Variants in PTPRN2 observed in about 807,000 individuals in gnomAD.
PTPRN2 encodes protein tyrosine phosphatase receptor type N2, also known as receptor-type tyrosine-protein phosphatase N2.
PTPRN2 carries 74 observed loss-of-function variants against 118.8 expected under a neutral mutation model. That is an observed-to-expected ratio of 0.62 (90% confidence interval 0.52 to 0.76). The LOEUF (loss-of-function observed/expected upper bound fraction) is 0.76. Among genes scored for constraint, PTPRN2 ranks in the 30% least tolerant of loss-of-function variants. The pLI, the probability that PTPRN2 is intolerant of heterozygous loss-of-function variation, is 0.00. For synonymous variants in PTPRN2, 641 were observed against 608.0 expected, an observed-to-expected ratio of 1.05 and a Z score of -0.80; for missense variants, 1,481 against 1,394.4, an observed-to-expected ratio of 1.06 and a Z score of -0.99.
chr7:158,232,115 CA>C (rs1230365424), intron 3 of PTPRN2, among the ~76,000 whole-genome samples: 1 of 151,884 alleles, frequency 6.6e-6, no homozygotes, highest in Non-Finnish European at 1.5e-5. Context: ...TAATACAAAT[CA>C]GAGCAGAAAT....
chr7:157,792,709 G>C (rs1264416871), intron 12 of PTPRN2, among the ~76,000 whole-genome samples: 1 of 152,172 alleles, frequency 6.6e-6, no homozygotes, highest in Non-Finnish European at 1.5e-5. Flanking sequence ...GGCTGGGGCC[G>C]GGGGTCTCTG....
intron 12 of PTPRN2, among the ~76,000 whole-genome samples, chr7:157,748,074 T>A (rs1801125696): frequency 7.2e-6 from 1 of 139,316 alleles, no homozygotes; most frequent in African/African-American, 2.7e-5. Flanking sequence ...CCTGCGTCTC[T>A]CAGCTGTGGG....
At chr7:157,793,527 C>T (rs557485840) in intron 12 of PTPRN2, among the ~76,000 whole-genome samples, 4 of 139,538 alleles carry the variant, frequency 2.9e-5, no homozygotes, top group East Asian at 5.0e-4. Flanking sequence ...GGGGCAAGGG[C>T]GGGGCGTGGT....
chr7:157,605,590 G>A lies in PTPRN2; in HGVS notation c.2345-1515C>T, dbSNP rs181510085. ...AGAATGAGGTATGGAGACAAGTGGA[G>A]GATGAGCAAGATGAAGAGGGGTTTA... On this transcript the variant is annotated intron_variant, in intron 15 of 22. Transcript: ENST00000389418. 1.1e-3 allele frequency among the ~76,000 whole-genome samples: 175 copies of A among 152,352 alleles called. 1 individual carries two copies. The highest frequency in any genetic ancestry group is 4.2e-3 in the African/African-American group (173 of 41,594).
At chr7:157,574,409 CACTG>C in intron 19 of PTPRN2, 1 of 533,544 alleles carries the variant, frequency 1.9e-6, no homozygotes, top group Non-Finnish European at 3.9e-6. Flanking sequence ...ACAAAAATGA[CACTG>C]GCCACCGCTA....
At chr7:158,211,382 C>G (rs1443714420) in intron 3 of PTPRN2, among the ~76,000 whole-genome samples, 2 of 152,140 alleles carry the variant, frequency 1.3e-5, no homozygotes, top group Non-Finnish European at 2.9e-5. Context: ...AGTGAAAAAA[C>G]CTCTGCACAG....
intron 12 of PTPRN2, among the ~76,000 whole-genome samples, chr7:157,692,358 C>T (rs752804879): frequency 5.3e-5 from 8 of 152,198 alleles, no homozygotes; most frequent in Non-Finnish European, 1.0e-4. Context: ...TGCACTCTGG[C>T]GCTGCCCCTA....
chr7:158,125,208 C>T (rs899051683), intron 9 of PTPRN2, among the ~76,000 whole-genome samples: 5 of 148,714 alleles, frequency 3.4e-5, no homozygotes, highest in African/African-American at 1.2e-4. Flanking sequence ...ACCTCCCTGC[C>T]TGAAGTCCCT....
intron 12 of PTPRN2, among the ~76,000 whole-genome samples, chr7:157,807,710 T>G (rs1805720154): frequency 6.6e-6 from 1 of 152,212 alleles, no homozygotes; most frequent in Non-Finnish European, 1.5e-5. Flanking sequence ...TCCATACAGC[T>G]GTCAGCTGCA....
intron 12 of PTPRN2, among the ~76,000 whole-genome samples, chr7:157,851,904 C>T (rs1560956): frequency 0.058 from 8,797 of 152,348 alleles, 370 homozygotes; most frequent in Non-Finnish European, 0.09. Flanking sequence ...TCTTCCGGGC[C>T]CAGCTCACTT....
chr7:157,616,063 C>T (rs182399574), intron 15 of PTPRN2: 24 of 172,244 alleles, frequency 1.4e-4, no homozygotes, highest in Non-Finnish European at 8.7e-5. Flanking sequence ...ACGGTGAGCC[C>T]GGCTGCTGCC....
At chr7:158,068,253 T>C (rs10949695) in intron 11 of PTPRN2, among the ~76,000 whole-genome samples, 34,588 of 152,194 alleles carry the variant, frequency 0.23, 4,143 homozygotes, top group South Asian at 0.36. Flanking sequence ...ACGACGCAGG[T>C]GGCTGTCTGA....
rs111693744 is a variant in PTPRN2, at chr7:158,405,106, C to T, written c.163+84629G>A. On this transcript the variant is annotated intron_variant, in intron 2 of 22. Coordinates refer to ENST00000389418, the MANE Select transcript of PTPRN2 (RefSeq NM_002847.5). ...GCCTCAGCTCCCCGGCCCCAGCTCC[C>T]TGGCCCCAGCAGGAGCTAAGTTGTT... 1.1e-4 allele frequency among the ~76,000 whole-genome samples: 16 copies of T among 152,206 alleles called. 1 individual carries two copies. Among genetic ancestry groups the T allele is most frequent in the African/African-American group, 3.9e-4 (16 of 41,544 alleles).
intron 2 of PTPRN2, among the ~76,000 whole-genome samples, chr7:158,351,624 C>T (rs965474038): frequency 6.6e-6 from 1 of 152,200 alleles, no homozygotes; most frequent in Non-Finnish European, 1.5e-5. Flanking sequence ...ATTAACGCCT[C>T]ATCCTTCTCA....
intron 9 of PTPRN2, among the ~76,000 whole-genome samples, chr7:158,120,550 C>G (rs539594800): frequency 6.6e-6 from 1 of 152,300 alleles, no homozygotes; most frequent in African/African-American, 2.4e-5. Flanking sequence ...CTTTCTGCTC[C>G]CTGTCTCCAA....
At chr7:157,865,123 C>G (rs1437112390) in intron 12 of PTPRN2, 1 of 152,298 alleles carries the variant, frequency 6.6e-6, no homozygotes, top group Non-Finnish European at 1.5e-5. Context: ...CGGTGCACTC[C>G]CTGGGTCTGG....
chr7:158,412,553 C>T (rs1384974197), intron 2 of PTPRN2, among the ~76,000 whole-genome samples: 4 of 118,892 alleles, frequency 3.4e-5, no homozygotes, highest in Non-Finnish European at 6.9e-5. Flanking sequence ...TCTCAGCACC[C>T]TCCTCAGCAC....
At chr7:157,659,335 G>C (rs1462697295) in intron 13 of PTPRN2, among the ~76,000 whole-genome samples, 1 of 100,210 alleles carries the variant, frequency 1.0e-5, no homozygotes, top group Non-Finnish European at 2.0e-5. Context: ...GACTGGGGGG[G>C]GACGACTGCG....
chr7:158,508,169 G>A (rs570930764), intron 1 of PTPRN2, among the ~76,000 whole-genome samples: 2 of 149,680 alleles, frequency 1.3e-5, no homozygotes, highest in African/African-American at 4.9e-5. Flanking sequence ...GAAGGCAGGT[G>A]GGCAGGCGGC....
Sources: gnomAD v4.1 joint callset for allele counts (sites outside exome capture counted in the v4.1 genomes callset) on GRCh38, gnomAD v4.1.1 for gene constraint, MANE v1.5 for transcripts, NCBI Gene and HGNC (gene_info 2026-07-23, HGNC 2026-07-21) for gene names.